MYO3B: variants seen among roughly 807,000 people sequenced by gnomAD.
MYO3B encodes myosin IIIB.
MYO3B carries 156 observed loss-of-function variants against 174.6 expected under a neutral mutation model. The ratio of observed to expected loss-of-function variants is 0.89; its 90% CI spans 0.78 to 1.02. The LOEUF is 1.02. Among genes scored for constraint, MYO3B ranks in the 50% least tolerant of loss-of-function variants. The pLI is 0.00. For missense variants in MYO3B, 1,632 were observed against 1,639.4 expected, an observed-to-expected ratio of 1.00 and a Z score of 0.08; for synonymous variants, 563 against 569.1, an observed-to-expected ratio of 0.99 and a Z score of 0.15.
chr2:170,438,721 C>G (rs13400856), intron 22 of MYO3B, among the ~76,000 whole-genome samples: 11,026 of 151,948 alleles, frequency 0.073, 474 homozygotes, highest in South Asian at 0.17. Flanking sequence ...TGCAGCCTCC[C>G]CCTCCCAAGT....
At chr2:170,589,814 A>T (rs888402203) in intron 32 of MYO3B, among the ~76,000 whole-genome samples, 12 of 152,216 alleles carry the variant, frequency 7.9e-5, no homozygotes, top group Non-Finnish European at 1.8e-4. Context: ...AATGTATAGT[A>T]ATGTCCTTCG....
intron 10 of MYO3B, 169 bp from the exon 11 acceptor site, chr2:170,382,904 G>A: frequency 2.0e-6 from 1 of 512,424 alleles, no homozygotes; most frequent in South Asian, 3.3e-5. Context: ...GGCAAATATT[G>A]GCATTGTTTT....
intron 22 of MYO3B, among the ~76,000 whole-genome samples, chr2:170,421,533 C>T (rs2094614924): frequency 6.6e-6 from 1 of 152,204 alleles, no homozygotes; most frequent in African/African-American, 2.4e-5. Context: ...CAGCCCTCTC[C>T]AGCCACCCTG....
At position 170,178,872 on chromosome 2, in the gene MYO3B, A is replaced by G. The variant is rs78370179; in HGVS notation, c.2+583A>G. On this transcript the variant is annotated intron_variant, in intron 1 of 34. Transcript: ENST00000408978. Reference sequence around the variant, plus strand: ...GTATGTATTGTTCCTTAGTGACTGCAATATCATGACAGATTTGTTAATTTG... The same window carrying G: ...GTATGTATTGTTCCTTAGTGACTGCGATATCATGACAGATTTGTTAATTTG... 9.6e-3 allele frequency among the ~76,000 whole-genome samples: 1,456 copies of G among 152,348 alleles called. 14 individuals are homozygous for G. The highest frequency in any genetic ancestry group is 0.041 in the Middle Eastern group (12 of 294).
intron 22 of MYO3B, among the ~76,000 whole-genome samples, chr2:170,437,435 A>C (rs2094762632): frequency 6.6e-6 from 1 of 152,192 alleles, no homozygotes; most frequent in African/African-American, 2.4e-5. Flanking sequence ...CTTCTCCTAA[A>C]GCAGGCTGTA....
rs1446746257 is a variant in MYO3B at position 170,337,405 on chromosome 2, T to TA, written c.815+1956dup. ...GAAAAATCCATTACATATTCACTAA[T>TA]ATGCCTTCCCATACCAAACTCTCCT... On this transcript the variant is annotated intron_variant, in intron 8 of 34. Coordinates refer to ENST00000408978, the MANE Select transcript of MYO3B (RefSeq NM_138995.5). 5.9e-5 allele frequency among the ~76,000 whole-genome samples: 9 copies of TA among 152,324 alleles called. No homozygotes were observed. In the East Asian group the frequency reaches 1.7e-3, roughly 29 times the overall value.
At chr2:170,487,536 G>A (rs190038217) in intron 25 of MYO3B, among the ~76,000 whole-genome samples, 2 of 152,190 alleles carry the variant, frequency 1.3e-5, no homozygotes, top group Admixed American at 1.3e-4. Flanking sequence ...TTATACCAAA[G>A]CCCTAAAACT....
At chr2:170,382,316 A>C (rs546227162) in intron 10 of MYO3B, 2 of 418,944 alleles carry the variant, frequency 4.8e-6, no homozygotes, top group Admixed American at 3.5e-5. Context: ...AGAATGATGA[A>C]GAGAAAAGGA....
At chr2:170,285,867 G>T (rs2093552633) in intron 7 of MYO3B, among the ~76,000 whole-genome samples, 2 of 149,742 alleles carry the variant, frequency 1.3e-5, no homozygotes, top group African/African-American at 2.5e-5. Flanking sequence ...TAATTCATCT[G>T]GAATTTTAGG....
At chr2:170,274,093 A>G (rs2093445423) in intron 7 of MYO3B, among the ~76,000 whole-genome samples, 1 of 142,056 alleles carries the variant, frequency 7.0e-6, no homozygotes, top group South Asian at 2.1e-4. Context: ...AAACTACGAG[A>G]GAGAGAGAGA....
At chr2:170,386,787 C>T (rs11694169) in intron 13 of MYO3B, among the ~76,000 whole-genome samples, 40,540 of 152,100 alleles carry the variant, frequency 0.27, 5,469 homozygotes, top group Non-Finnish European at 0.31. Context: ...TAGACTATTA[C>T]GATAAATGCC....
intron 32 of MYO3B, among the ~76,000 whole-genome samples, chr2:170,599,720 C>G (rs961133279): frequency 2.6e-5 from 4 of 152,120 alleles, no homozygotes; most frequent in African/African-American, 9.7e-5. Flanking sequence ...TGCACTCTAG[C>G]CTGGGTGACA....
intron 1 of MYO3B, among the ~76,000 whole-genome samples, chr2:170,181,035 C>T (rs2092392624): frequency 6.6e-6 from 1 of 151,920 alleles, no homozygotes; most frequent in East Asian, 1.9e-4. Context: ...TGATGATGGG[C>T]CTCTAGGTTG....
intron 8 of MYO3B, among the ~76,000 whole-genome samples, chr2:170,337,150 G>C (rs1574809339): frequency 6.6e-6 from 1 of 152,126 alleles, no homozygotes; most frequent in South Asian, 2.1e-4. Flanking sequence ...AAGAGCAGTG[G>C]AAGAGCCACT....
At chr2:170,524,827 G>A (rs972044132) in intron 30 of MYO3B, among the ~76,000 whole-genome samples, 1 of 152,072 alleles carries the variant, frequency 6.6e-6, no homozygotes, top group African/African-American at 2.4e-5. Context: ...CAACCTTATG[G>A]GAAAGGTATA....
At chr2:170,362,840 C>T (rs564683558) in intron 8 of MYO3B, among the ~76,000 whole-genome samples, 4 of 152,298 alleles carry the variant, frequency 2.6e-5, no homozygotes, top group Middle Eastern at 3.4e-3. Flanking sequence ...AAATACCATA[C>T]ACAGCATCAA....
chr2:170,434,557 A>T (rs1444793027), intron 22 of MYO3B, among the ~76,000 whole-genome samples: 1 of 152,164 alleles, frequency 6.6e-6, no homozygotes, highest in Non-Finnish European at 1.5e-5. Context: ...AAAGAGAATG[A>T]CGGGTGAGTG....
At chr2:170,573,812 A>T (rs1293759343) in intron 32 of MYO3B, among the ~76,000 whole-genome samples, 1 of 152,182 alleles carries the variant, frequency 6.6e-6, no homozygotes, top group African/African-American at 2.4e-5. Context: ...CTTAAGACGA[A>T]TTTCTATCAA....
intron 22 of MYO3B, among the ~76,000 whole-genome samples, chr2:170,443,125 T>C (rs1254209939): frequency 2.0e-5 from 3 of 152,202 alleles, no homozygotes; most frequent in Non-Finnish European, 2.9e-5. Flanking sequence ...TGTAAAAGTG[T>C]TCCTATTTCT....
Sources: allele counts gnomAD v4.1 joint callset (sites outside exome capture counted in the v4.1 genomes callset), GRCh38; gene constraint gnomAD v4.1.1; transcripts MANE v1.5; gene names NCBI Gene and HGNC (gene_info 2026-07-23, HGNC 2026-07-21).